Variants in NCKAP5 observed in about 807,000 individuals in gnomAD.
NCKAP5 encodes the protein NCK associated protein 5, also known as nck-associated protein 5.
In NCKAP5, 92 loss-of-function variants were observed where a neutral mutation model predicts 167.0. The ratio of observed to expected loss-of-function variants is 0.55; its 90% CI spans 0.47 to 0.66. The LOEUF (loss-of-function observed/expected upper bound fraction) is 0.66, where lower values mean the gene tolerates loss of function less well. NCKAP5 is among the 30% of genes least tolerant of loss of function. The pLI is 0.00. For synonymous variants in NCKAP5, 891 were observed against 877.4 expected, an observed-to-expected ratio of 1.02 and a Z score of -0.27; for missense variants, 2,378 against 2,315.0, an observed-to-expected ratio of 1.03 and a Z score of -0.56.
chr2:133,053,432 G>C (rs186931636), intron 6 of NCKAP5, among the ~76,000 whole-genome samples: 16 of 152,092 alleles, frequency 1.1e-4, no homozygotes, highest in Non-Finnish European at 1.9e-4. Context: ...ATCTACTTGC[G>C]AACTATCCTA....
intron 1 of NCKAP5, among the ~76,000 whole-genome samples, chr2:133,565,683 C>T (rs1688495520): frequency 6.6e-6 from 1 of 152,152 alleles, no homozygotes. Flanking sequence ...GAAAGACAGC[C>T]AGGCATCACA....
At chr2:132,973,752 A>T (rs1241995737) in intron 7 of NCKAP5, among the ~76,000 whole-genome samples, 1 of 152,014 alleles carries the variant, frequency 6.6e-6, no homozygotes, top group Non-Finnish European at 1.5e-5. Flanking sequence ...AAAAAACAAA[A>T]AAGAAAACCT....
At chr2:132,970,851 A>G (rs1185762565) in intron 7 of NCKAP5, among the ~76,000 whole-genome samples, 1 of 152,238 alleles carries the variant, frequency 6.6e-6, no homozygotes, top group East Asian at 1.9e-4. Flanking sequence ...AAGAGAGGAC[A>G]GCATGGCTCT....
the NCKAP5 span, among the ~76,000 whole-genome samples, chr2:133,634,103 C>T: frequency 1.3e-5 from 2 of 152,222 alleles, no homozygotes; most frequent in Admixed American, 6.5e-5. Context: ...CTCTCTCTTA[C>T]TCACTGAATA....
intron 3 of NCKAP5, among the ~76,000 whole-genome samples, chr2:133,326,017 G>T (rs894081937): frequency 6.6e-6 from 1 of 152,190 alleles, no homozygotes; most frequent in East Asian, 1.9e-4. Context: ...CAATAATGAT[G>T]CTGTCTTTCA....
At chr2:133,061,176 CA>C (rs2079987986) in intron 6 of NCKAP5, among the ~76,000 whole-genome samples, 1 of 152,046 alleles carries the variant, frequency 6.6e-6, no homozygotes, top group Non-Finnish European at 1.5e-5. Flanking sequence ...ATTCAAGTTC[CA>C]ATGCATTTGG....
the NCKAP5 span, among the ~76,000 whole-genome samples, chr2:133,655,871 G>C: frequency 2.6e-5 from 4 of 152,288 alleles, no homozygotes; most frequent in Non-Finnish European, 4.4e-5. Context: ...AGAGCTTGTA[G>C]AGGCTCTGCC....
chr2:133,347,508 A>T (rs1684059506), intron 3 of NCKAP5, among the ~76,000 whole-genome samples: 1 of 152,108 alleles, frequency 6.6e-6, no homozygotes. Context: ...AGCCAAGATT[A>T]TGCCATTGCA....
intron 11 of NCKAP5, among the ~76,000 whole-genome samples, chr2:132,820,214 TTTTTG>T (rs1686602196): frequency 6.6e-6 from 1 of 150,958 alleles, no homozygotes; most frequent in African/African-American, 2.4e-5. Flanking sequence ...TTTAGTAAGT[TTTTTG>T]TTTTGTTTTG....
At chr2:133,657,536 T>C in the NCKAP5 span, among the ~76,000 whole-genome samples, 317 of 152,324 alleles carry the variant, frequency 2.1e-3, 1 homozygote, top group Admixed American at 0.019. Flanking sequence ...CAATGACTAA[T>C]GGTGGACATC....
chr2:133,309,123 A>C (rs1045409630), intron 3 of NCKAP5, among the ~76,000 whole-genome samples: 1 of 152,210 alleles, frequency 6.6e-6, no homozygotes, highest in African/African-American at 2.4e-5. Context: ...CACAATTTAG[A>C]AAATATATAT....
At chr2:132,851,031 A>AT (rs141373484) in intron 11 of NCKAP5, among the ~76,000 whole-genome samples, 3 of 150,458 alleles carry the variant, frequency 2.0e-5, no homozygotes, top group East Asian at 1.9e-4. Flanking sequence ...TTTTTCAAGC[A>AT]TTTTTTTTTC....
chr2:132,712,309 C>A (rs541298492), intron 19 of NCKAP5, among the ~76,000 whole-genome samples: 1 of 152,266 alleles, frequency 6.6e-6, no homozygotes, highest in South Asian at 2.1e-4. Context: ...CACCTCAAGC[C>A]CCCTTCAGGA....
At position 133,194,610 on chromosome 2, in the gene NCKAP5, C is replaced by T. The variant is rs187261694; in HGVS notation, c.207+19106G>A. ...TTTCCATGTTCCTACTATCTATCCC[C>T]GTGTTTCCTATTTCTGGTAATTATA... On this transcript the variant is annotated intron_variant, in intron 5 of 19. Transcript: ENST00000409261. 3.6e-4 allele frequency among the ~76,000 whole-genome samples: 55 copies of T among 152,030 alleles called. 1 individual carries two copies. The East Asian group carries it at 0.01, about 28-fold the overall frequency.
chr2:133,579,043 C>T, the NCKAP5 span, among the ~76,000 whole-genome samples: 1 of 152,272 alleles, frequency 6.6e-6, no homozygotes, highest in East Asian at 1.9e-4. Context: ...TAACAGTAAC[C>T]GTAATGGTCA....
intron 3 of NCKAP5, among the ~76,000 whole-genome samples, chr2:133,366,517 G>T (rs1685467339): frequency 6.6e-6 from 1 of 152,076 alleles, no homozygotes. Context: ...TGCCAGGCTG[G>T]TCTTGAACTC....
intron 4 of NCKAP5, among the ~76,000 whole-genome samples, chr2:133,253,315 T>C (rs1357268662): frequency 6.6e-6 from 1 of 152,242 alleles, no homozygotes; most frequent in Non-Finnish European, 1.5e-5. Context: ...GACCTTTACA[T>C]AACTTACTTC....
intron 3 of NCKAP5, among the ~76,000 whole-genome samples, chr2:133,448,652 A>AT (rs749204995): frequency 1.3e-5 from 2 of 151,914 alleles, no homozygotes; most frequent in African/African-American, 2.4e-5. Flanking sequence ...TTTCTTCTTT[A>AT]TTTTTTTTAA....
At chr2:133,030,994 G>T (rs1166759089) in intron 6 of NCKAP5, among the ~76,000 whole-genome samples, 12 of 152,010 alleles carry the variant, frequency 7.9e-5, no homozygotes, top group Non-Finnish European at 1.8e-4. Flanking sequence ...GGACCATCTG[G>T]ATAACTCAAG....
Sources: allele counts gnomAD v4.1 joint callset (sites outside exome capture counted in the v4.1 genomes callset), GRCh38; gene constraint gnomAD v4.1.1; transcripts MANE v1.5; gene names NCBI Gene and HGNC (gene_info 2026-07-23, HGNC 2026-07-21).